The following ISG20 variants were observed in gnomAD, a reference collection of about 807,000 sequenced individuals.
ISG20 encodes the protein interferon stimulated exonuclease gene 20.
Under a neutral mutation model 11.1 loss-of-function variants are expected in ISG20, and 8 were observed. The ratio of observed to expected loss-of-function variants is 0.72; its 90% CI spans 0.42 to 1.30. The LOEUF (loss-of-function observed/expected upper bound fraction) is 1.30, where lower values mean the gene tolerates loss of function less well. ISG20 is among the 50% of genes most tolerant of loss of function. ISG20 has a pLI of 0.01. For missense variants in ISG20, 243 were observed against 250.2 expected, an observed-to-expected ratio of 0.97 and a Z score of 0.19; for synonymous variants, 110 against 101.7, an observed-to-expected ratio of 1.08 and a Z score of -0.49.
Position 88,650,347 on chromosome 15 carries a change from G to A in ISG20, c.229-1763G>A, listed in dbSNP as rs765371777. The A allele has an allele frequency of 1.5e-5, 23 of 1,535,066 alleles. No individual in the cohort carries two copies. The highest frequency in any genetic ancestry group is 2.0e-5 in the Non-Finnish European group (23 of 1,146,644). On this transcript the variant is annotated intron_variant, in intron 2 of 3. Transcript: ENST00000306072. This position sits in a 1 kb window ranked among gnomAD's most constrained non-coding sequence, Gnocchi z 4.0. ...GAGGCGAGGCGAGGAACGCGGGGCT[G>A]GGGCAGTCACAGCTGGGCGCCTGGG...
In ISG20 at chr15:88,639,687, C is replaced by A; in HGVS notation, c.228+93C>A. 1 of 961,128 alleles carries A rather than the reference C, an allele frequency of 1.0e-6. No individual in the cohort carries two copies. Among genetic ancestry groups the A allele is most frequent in the Non-Finnish European group, 1.6e-6 (1 of 633,474 alleles). 59.5% of individuals were successfully genotyped at this position (961,128 alleles called of 1,614,324 possible). ...CCTGGTGCCCATCTGTGACCTGTGA[C>A]CCCACTTGTAAGATTTCCCACACTG... On this transcript the variant is annotated intron_variant, in intron 2 of 3. Transcript: ENST00000306072. This position sits in a 1 kb window ranked among gnomAD's most constrained non-coding sequence, Gnocchi z 4.2.
At chr15:88,640,157 G>A (rs1231891174) in intron 2 of ISG20, among the ~76,000 whole-genome samples, 1 of 152,216 alleles carries the variant, frequency 6.6e-6, no homozygotes, top group African/African-American at 2.4e-5. Context: ...CTCACTTTCT[G>A]TTTCTCTGAA....
chr15:88,655,132 A>G (rs548707027), intron 3 of ISG20, among the ~76,000 whole-genome samples: 2 of 152,362 alleles, frequency 1.3e-5, no homozygotes, highest in South Asian at 4.1e-4. Context: ...TCTGACAGCA[A>G]GTCTGCAGCC....
rs2058253377 is a variant in ISG20, at chr15:88,650,353, G to GT, written c.229-1756dup. The GT allele has an allele frequency of 6.5e-7, 1 of 1,534,132 alleles. No homozygotes were observed. The highest frequency in any genetic ancestry group is 1.4e-5 in the African/African-American group (1 of 72,974). On this transcript the variant is annotated intron_variant, in intron 2 of 3. Coordinates refer to ENST00000306072, the MANE Select transcript of ISG20 (RefSeq NM_002201.6). The surrounding 1 kb of genome is among the most constrained non-coding windows in gnomAD (Gnocchi z 4.0). ...AGGCGAGGAACGCGGGGCTGGGGCA[G>GT]TCACAGCTGGGCGCCTGGGCTGCTG...
At chr15:88,640,053 A>T (rs1336089967) in intron 2 of ISG20, among the ~76,000 whole-genome samples, 1 of 152,218 alleles carries the variant, frequency 6.6e-6, no homozygotes, top group Non-Finnish European at 1.5e-5. Context: ...ATTCTGACCC[A>T]GAGTAGGCTG....
chr15:88,651,282 C>T (rs2058269307), intron 2 of ISG20: 2 of 985,294 alleles, frequency 2.0e-6, no homozygotes, highest in Admixed American at 6.2e-5. Flanking sequence ...GCAGTGCTCC[C>T]TCCTCACTGT....
Position 88,639,193 on chromosome 15 carries a change from G to A in ISG20, c.-25+117G>A. ...ACACGGGCAGGGTAAGGCAGGGGATGGGGGAGGCAAGAGGCCAGCTTCCAC... is the reference window on the plus strand; with the variant it reads ...ACACGGGCAGGGTAAGGCAGGGGATAGGGGAGGCAAGAGGCCAGCTTCCAC... On this transcript the variant is annotated intron_variant, in intron 1 of 3. Coordinates refer to ENST00000306072, the MANE Select transcript of ISG20 (RefSeq NM_002201.6). The surrounding 1 kb of genome is among the most constrained non-coding windows in gnomAD (Gnocchi z 4.2). 3 of 608,406 alleles carry A rather than the reference G, an allele frequency of 4.9e-6. No homozygotes were observed. The highest frequency in any genetic ancestry group is 2.0e-5 in the South Asian group (1 of 50,796). The allele number at this position is 608,406 out of a possible 1,614,324, so 37.7% of individuals were successfully genotyped here.
chr15:88,655,305 C>A, intron 3 of ISG20, 110 bp from the exon 4 acceptor site: 1 of 958,302 alleles, frequency 1.0e-6, no homozygotes, highest in Admixed American at 1.9e-5. Flanking sequence ...CTCTCACCCA[C>A]TGACCCACCT....
At chr15:88,647,976 G>A (rs1214584040) in intron 2 of ISG20, 2 of 152,222 alleles carry the variant, frequency 1.3e-5, no homozygotes, top group South Asian at 2.1e-4. Context: ...GAAGGAGGAA[G>A]GCTTCAATAT....
At chr15:88,645,180 C>T (rs1051669189) in intron 2 of ISG20, among the ~76,000 whole-genome samples, 3 of 152,152 alleles carry the variant, frequency 2.0e-5, no homozygotes, top group Non-Finnish European at 2.9e-5. Flanking sequence ...TGCTCCATCA[C>T]CTATAGGTTT....
At chr15:88,640,824 G>C (rs750295312) in intron 2 of ISG20, among the ~76,000 whole-genome samples, 1 of 151,782 alleles carries the variant, frequency 6.6e-6, no homozygotes, top group Non-Finnish European at 1.5e-5. Flanking sequence ...AAAATTAGCC[G>C]GGCATGGTGG....
Position 88,650,394 on chromosome 15 carries a change from C to T in ISG20, c.229-1716C>T, listed in dbSNP as rs2058254021. On this transcript the variant is annotated intron_variant, in intron 2 of 3. Transcript: ENST00000306072. The surrounding 1 kb of genome is among the most constrained non-coding windows in gnomAD (Gnocchi z 4.0). ...TGGGCTGCTGGAGGCCTGGAGTGGT[C>T]GTTCACTCTTCTGGCTCAGTGTGGC... 14 of 1,524,554 alleles carry T rather than the reference C, an allele frequency of 9.2e-6. No individual in the cohort carries two copies. Among genetic ancestry groups the T allele is most frequent in the Non-Finnish European group, 1.2e-5 (14 of 1,141,286 alleles). The allele number at this position is 1,524,554 out of a possible 1,614,324, so 94.4% of individuals were successfully genotyped here.
At chr15:88,636,993 A>C (rs2057994467), upstream of ISG20, among the ~76,000 whole-genome samples, 1 of 151,978 alleles carries the variant, frequency 6.6e-6, no homozygotes, top group Non-Finnish European at 1.5e-5. Flanking sequence ...TTGGAGGAAG[A>C]CAGAAAGAGC....
Position 88,650,092 on chromosome 15 carries a change from G to A in ISG20, c.229-2018G>A. 2.9e-6 allele frequency: 2 copies of A among 678,160 alleles called. No individual in the cohort carries two copies. Among genetic ancestry groups the A allele is most frequent in the Admixed American group, 4.6e-5 (2 of 43,306 alleles). 42.0% of individuals were successfully genotyped at this position (678,160 alleles called of 1,614,324 possible). The stretch of plus-strand genomic sequence containing the variant: ...CGGGGAAGGTGTTAGGCACCAGAAG[G>A]CTCTTTCCTGGTGTACAGGCTAAGG... On this transcript the variant is annotated intron_variant, in intron 2 of 3. Transcript: ENST00000306072. This position sits in a 1 kb window ranked among gnomAD's most constrained non-coding sequence, Gnocchi z 4.0.
intron 2 of ISG20, chr15:88,649,379 G>A (rs899934517): frequency 7.9e-5 from 12 of 152,202 alleles, no homozygotes; most frequent in African/African-American, 2.9e-4. Flanking sequence ...CTCGGGAAGT[G>A]ATGGGTTTCC....
upstream of ISG20, among the ~76,000 whole-genome samples, chr15:88,636,831 A>G (rs1413698430): frequency 1.3e-5 from 2 of 152,180 alleles, no homozygotes; most frequent in African/African-American, 4.8e-5. Flanking sequence ...CCTGGCAGGA[A>G]GTGCGGTTTT....
intron 2 of ISG20, among the ~76,000 whole-genome samples, chr15:88,642,493 A>G (rs953717888): frequency 6.6e-6 from 1 of 152,246 alleles, no homozygotes; most frequent in Non-Finnish European, 1.5e-5. Context: ...TCAGGCTTAC[A>G]GTCTCTAGAA....
Position 88,650,369 on chromosome 15 carries a change from T to G in ISG20, c.229-1741T>G. 3 of 1,532,644 alleles carry G rather than the reference T, an allele frequency of 2.0e-6. No homozygotes were observed. The East Asian group carries it at 7.3e-5, about 38-fold the overall frequency. 94.9% of individuals were successfully genotyped at this position (1,532,644 alleles called of 1,614,324 possible). A position where few individuals can be genotyped will look rare whatever the true frequency, so the allele number is the denominator to read the frequency against. On this transcript the variant is annotated intron_variant, in intron 2 of 3. Coordinates refer to ENST00000306072, the MANE Select transcript of ISG20 (RefSeq NM_002201.6). This position sits in a 1 kb window ranked among gnomAD's most constrained non-coding sequence, Gnocchi z 4.0. Reference sequence around the variant, plus strand: ...GCTGGGGCAGTCACAGCTGGGCGCCTGGGCTGCTGGAGGCCTGGAGTGGTC... The same window carrying G: ...GCTGGGGCAGTCACAGCTGGGCGCCGGGGCTGCTGGAGGCCTGGAGTGGTC...
At position 88,639,429 on chromosome 15, in the gene ISG20, G is replaced by A. The variant is rs1483416171; in HGVS notation, c.63G>A (p.Arg21=). The A allele has an allele frequency of 6.2e-7, 1 of 1,614,150 alleles. No individual in the cohort carries two copies. Among genetic ancestry groups the A allele is most frequent in the Non-Finnish European group, 8.5e-7 (1 of 1,180,000 alleles). Reference sequence around the variant, plus strand: ...AGATGGTGGGGCTGGGGCCCCACCGGGAGAGTGGCCTGGCTCGTTGCAGCC... The same window carrying A: ...AGATGGTGGGGCTGGGGCCCCACCGAGAGAGTGGCCTGGCTCGTTGCAGCC... ...DCEMVGLGPH[R]ESGLARCSLV... is the part of the protein sequence containing the mutation. Residue 21 remains arginine, a synonymous_variant, in exon 2 of 4, where the codon CGG becomes CGA. Transcript: ENST00000306072. The surrounding 1 kb of genome is among the most constrained non-coding windows in gnomAD (Gnocchi z 4.2).
Sources: allele counts gnomAD v4.1 joint callset (sites outside exome capture counted in the v4.1 genomes callset), GRCh38; gene constraint gnomAD v4.1.1; non-coding constraint Gnocchi (gnomAD v3.1); transcripts MANE v1.5; gene names NCBI Gene and HGNC (gene_info 2026-07-23, HGNC 2026-07-21).